The following ZER1 variants were observed in gnomAD, a reference collection of about 807,000 sequenced individuals.
ZER1 encodes zyg-11 related cell cycle regulator.
ZER1 carries 11 observed loss-of-function variants against 78.8 expected under a neutral mutation model. That is an observed-to-expected ratio of 0.14 (90% CI 0.09 to 0.23). The LOEUF is 0.23. Ranked by LOEUF, ZER1 falls within the 10% of genes least tolerant of loss-of-function variation. The pLI is 1.00. For missense variants in ZER1, 588 were observed against 996.9 expected, an observed-to-expected ratio of 0.59 and a Z score of 5.52; for synonymous variants, 400 against 407.0, an observed-to-expected ratio of 0.98 and a Z score of 0.21.
chr9:128,751,417 T>C lies in ZER1; in HGVS notation c.1034A>G (p.Tyr345Cys). The C allele has an allele frequency of 6.2e-7, 1 of 1,614,050 alleles. No individual in the cohort carries two copies. The highest frequency in any genetic ancestry group is 8.5e-7 in the Non-Finnish European group (1 of 1,180,000). ...CATCCCACTTCCACTGCTCACTTTG[T>C]AGGCTGGAATGTGCGTGAGGCGGCA... The part of the protein sequence containing the change: ...SLCRLTHIPA[Y>C]KVSGDKNEEQ... Residue 345 changes from tyrosine to cysteine, a missense_variant, in exon 6 of 16, where the codon TAC (tyrosine) becomes TGC (cysteine). Tyr to Cys is a radical substitution (Grantham distance 194, BLOSUM62 -2). This residue lies in a region of ZER1 where 406 missense variants were observed against 660.1 expected (regional missense o/e 0.62). Transcript: ENST00000291900. This position sits in a 1 kb window ranked among gnomAD's most constrained non-coding sequence, Gnocchi z 5.4.
In ZER1 at chr9:128,735,760, G is replaced by GTTTTTTTTTTTTTTTT. The variant is rs779646793; in HGVS notation, c.2043-330_2043-329insAAAAAAAAAAAAAAAA. 1.5e-3 allele frequency among the ~76,000 whole-genome samples: 24 copies of GTTTTTTTTTTTTTTTT among 16,194 alleles called. 11 individuals carry two copies. The highest frequency in any genetic ancestry group is 2.6e-3 in the African/African-American group (16 of 6,066). The allele number at this position is 16,194 out of a possible 152,430, so 10.6% of individuals were successfully genotyped here. ...CTGGGAACAGAAGCACGTGTGACCT[G>GTTTTTTTTTTTTTTTT]GTTTTTTTTTTTTTTTTTTTTTTTT... On this transcript the variant is annotated intron_variant, in intron 13 of 15. Transcript: ENST00000291900.
intron 1 of ZER1, among the ~76,000 whole-genome samples, chr9:128,758,269 G>A (rs149306300): frequency 1.2e-3 from 185 of 151,640 alleles, no homozygotes; most frequent in Middle Eastern, 3.4e-3. Flanking sequence ...ACAAGCGTGC[G>A]CCATCACGCC....
chr9:128,752,973 T>G, intron 4 of ZER1, 124 bp from the exon 5 acceptor site: 1 of 1,356,786 alleles, frequency 7.4e-7, no homozygotes, highest in Non-Finnish European at 1.0e-6. Flanking sequence ...CCCCAGGGCA[T>G]TCTGGGAAGA....
At chr9:128,749,461 A>G (rs1589530726) in intron 8 of ZER1, among the ~76,000 whole-genome samples, 1 of 152,066 alleles carries the variant, frequency 6.6e-6, no homozygotes, top group East Asian at 1.9e-4. Context: ...CCCATCTGAA[A>G]TGAAAAAAAG....
chr9:128,740,161 G>C lies in ZER1; in HGVS notation c.1854-42C>G, dbSNP rs3818931. On this transcript the variant is annotated intron_variant, in intron 12 of 15. Transcript: ENST00000291900. The surrounding 1 kb of genome is among the most constrained non-coding windows in gnomAD (Gnocchi z 4.4). The stretch of plus-strand genomic sequence containing the variant: ...AGAAAAATGGAGTCCCACTCCCCCA[G>C]TTTCTCTTCAGATACCAGCGGCAGG... The C allele has an allele frequency of 0.98, 1,505,067 of 1,541,374 alleles. 738,842 individuals carry two copies. Among genetic ancestry groups the C allele is most frequent in the Non-Finnish European group, 1 (1,133,869 of 1,136,978 alleles).
At position 128,751,533 on chromosome 9, in the gene ZER1, G is replaced by A; in HGVS notation, c.924-6C>T. ...TGCTCTTGGAAGGCTCAATGCTGGG[G>A]AAAGAGGGTGCCGGTGTCAGTGGCT... On this transcript the variant is annotated splice_region_variant and splice_polypyrimidine_tract_variant and intron_variant, in intron 5 of 15. Transcript: ENST00000291900. This position sits in a 1 kb window ranked among gnomAD's most constrained non-coding sequence, Gnocchi z 5.4. 1 of 1,611,522 alleles carries A rather than the reference G, an allele frequency of 6.2e-7. No individual in the cohort carries two copies. Among genetic ancestry groups the A allele is most frequent in the Non-Finnish European group, 8.5e-7 (1 of 1,179,750 alleles).
At chr9:128,744,763 G>A (rs981309488) in intron 8 of ZER1, among the ~76,000 whole-genome samples, 6 of 152,222 alleles carry the variant, frequency 3.9e-5, no homozygotes, top group Non-Finnish European at 7.3e-5. Context: ...ACAGGCATGA[G>A]CCACCATGCC....
chr9:128,759,122 G>A (rs1479845782), intron 1 of ZER1, among the ~76,000 whole-genome samples: 1 of 151,272 alleles, frequency 6.6e-6, no homozygotes, highest in Non-Finnish European at 1.5e-5. Flanking sequence ...TCAGCCTCCC[G>A]AGTAGCTGGG....
intron 8 of ZER1, among the ~76,000 whole-genome samples, chr9:128,743,162 G>A (rs1191842753): frequency 6.6e-6 from 1 of 151,394 alleles, no homozygotes; most frequent in Non-Finnish European, 1.5e-5. Flanking sequence ...CTGTCGCCCA[G>A]GCTGGAGTGC....
Position 128,755,488 on chromosome 9 carries a change from G to A in ZER1, c.78C>T (p.Gly26=), listed in dbSNP as rs766216819. ...FCLRNLDGTL[G]YLLDKETLRL... Reference sequence around the variant, plus strand: ...GCAGGGTCTCCTTGTCCAGCAGGTAGCCCAGGGTGCCATCCAGGTTGCGCA... The same window carrying A: ...GCAGGGTCTCCTTGTCCAGCAGGTAACCCAGGGTGCCATCCAGGTTGCGCA... The change falls in exon 2 of 16, where the codon GGC becomes GGT. Residue 26 remains glycine, a synonymous_variant. Transcript: ENST00000291900. This position sits in a 1 kb window ranked among gnomAD's most constrained non-coding sequence, Gnocchi z 5.6. 1 of 1,614,032 alleles carries A rather than the reference G, an allele frequency of 6.2e-7. No individual in the cohort carries two copies. The highest frequency in any genetic ancestry group is 8.5e-7 in the Non-Finnish European group (1 of 1,180,018).
chr9:128,755,379 T>C lies in ZER1; in HGVS notation c.158+29A>G. The C allele has an allele frequency of 6.2e-7, 1 of 1,612,696 alleles. No homozygotes were observed. The highest frequency in any genetic ancestry group is 8.5e-7 in the Non-Finnish European group (1 of 1,178,874). On this transcript the variant is annotated intron_variant, in intron 2 of 15. Coordinates refer to ENST00000291900, the MANE Select transcript of ZER1 (RefSeq NM_006336.4). This position sits in a 1 kb window ranked among gnomAD's most constrained non-coding sequence, Gnocchi z 5.6. The stretch of plus-strand genomic sequence containing the variant: ...CTATACACATTCATGGTAAGACCCC[T>C]GCCCCTCCTCAGCCCTGGGTCTGCT...
Position 128,753,217 on chromosome 9 carries a change from G to A in ZER1, c.693C>T (p.Asn231=), listed in dbSNP as rs761592018. 1.3e-6 allele frequency: 2 copies of A among 1,583,466 alleles called. No homozygotes were observed. Among genetic ancestry groups the A allele is most frequent in the East Asian group, 2.3e-5 (1 of 43,274 alleles). Residue 231 remains asparagine, a synonymous_variant, in exon 4 of 16, where the codon AAC becomes AAT. Coordinates refer to ENST00000291900, the MANE Select transcript of ZER1 (RefSeq NM_006336.4). This position sits in a 1 kb window ranked among gnomAD's most constrained non-coding sequence, Gnocchi z 7.5. ...GGATGTGGTCGTCGGACAGGTCCAT[G>A]TTGTAGAGGACGAGGGACACCAGGC... is the stretch of plus-strand genomic sequence containing the variant. The part of the protein sequence containing the change: ...KDSLVSLVLY[N]MDLSDDHIRV...
intron 1 of ZER1, among the ~76,000 whole-genome samples, chr9:128,767,708 A>G (rs1207466272): frequency 6.6e-6 from 1 of 152,060 alleles, no homozygotes; most frequent in Non-Finnish European, 1.5e-5. Flanking sequence ...CATTTCTCCA[A>G]CCTCAGCTTT....
intron 8 of ZER1, chr9:128,746,201 C>G (rs1245135662): frequency 6.6e-6 from 1 of 152,132 alleles, no homozygotes; most frequent in African/African-American, 2.4e-5. Flanking sequence ...GTTCTAATTG[C>G]AGAATGGCTA....
chr9:128,739,458 C>T (rs1440710187), intron 13 of ZER1, among the ~76,000 whole-genome samples: 3 of 149,820 alleles, frequency 2.0e-5, no homozygotes, highest in African/African-American at 7.4e-5. Flanking sequence ...GCTGAGATTG[C>T]ACCACTGCAC....
intron 1 of ZER1, among the ~76,000 whole-genome samples, chr9:128,767,091 C>G (rs1253907830): frequency 2.0e-5 from 3 of 150,590 alleles, no homozygotes; most frequent in Non-Finnish European, 3.0e-5. Context: ...TACAGGTGCC[C>G]GCCACCATGC....
At chr9:128,762,605 G>A (rs1173503506) in intron 1 of ZER1, among the ~76,000 whole-genome samples, 1 of 152,212 alleles carries the variant, frequency 6.6e-6, no homozygotes, top group Non-Finnish European at 1.5e-5. Context: ...TTAGAACGGT[G>A]TCTGGCATGT....
intron 1 of ZER1, among the ~76,000 whole-genome samples, chr9:128,760,281 C>A (rs960931356): frequency 2.6e-5 from 4 of 152,094 alleles, no homozygotes; most frequent in African/African-American, 9.7e-5. Context: ...CAGCTCACTG[C>A]AACCTCTGCC....
At chr9:128,768,048 T>C (rs1399820520) in intron 1 of ZER1, among the ~76,000 whole-genome samples, 1 of 152,190 alleles carries the variant, frequency 6.6e-6, no homozygotes, top group Non-Finnish European at 1.5e-5. Flanking sequence ...GGAGATGCCA[T>C]GAAAGGATGG....
Sources: gnomAD v4.1 joint callset for allele counts (sites outside exome capture counted in the v4.1 genomes callset) on GRCh38, gnomAD v4.1.1 for gene constraint, gnomAD v4.1.1 regional missense constraint, Gnocchi (gnomAD v3.1) non-coding constraint, MANE v1.5 for transcripts, NCBI Gene and HGNC (gene_info 2026-07-23, HGNC 2026-07-21) for gene names.